RNLS: variants seen among roughly 807,000 people sequenced by gnomAD.
RNLS encodes the protein renalase.
Under a neutral mutation model 39.8 loss-of-function variants are expected in RNLS, and 39 were observed. The observed-to-expected ratio is 0.98, with a 90% confidence interval of 0.76 to 1.28. The LOEUF is 1.28. RNLS is among the 50% of genes most tolerant of loss of function. RNLS has a pLI of 0.00. For missense variants in RNLS, 410 were observed against 413.3 expected (o/e 0.99, Z 0.07); for synonymous variants, 147 against 150.7 (o/e 0.98, Z 0.18).
the RNLS span, among the ~76,000 whole-genome samples, chr10:88,255,771 C>T: frequency 6.6e-3 from 1,012 of 152,284 alleles, 8 homozygotes; most frequent in Middle Eastern, 0.017. Context: ...ACTAAGAATT[C>T]CTAGCCAATC....
intron 5 of RNLS, among the ~76,000 whole-genome samples, chr10:88,341,196 G>C (rs1484372320): frequency 6.6e-6 from 1 of 151,626 alleles, no homozygotes; most frequent in Non-Finnish European, 1.5e-5. Context: ...GGGTGTGGTG[G>C]TGCATGCCTG....
At chr10:88,557,998 C>CA (rs2134369700) in intron 4 of RNLS, among the ~76,000 whole-genome samples, 1 of 152,234 alleles carries the variant, frequency 6.6e-6, no homozygotes, top group East Asian at 1.9e-4. Flanking sequence ...AGCACACAGT[C>CA]AGTAAGGCAG....
intron 4 of RNLS, among the ~76,000 whole-genome samples, chr10:88,513,130 G>T (rs569647192): frequency 6.6e-6 from 1 of 152,080 alleles, no homozygotes; most frequent in Non-Finnish European, 1.5e-5. Context: ...TCCACAAGAA[G>T]TTCTCCTACC....
chr10:88,367,665 G>T (rs1170515291), intron 4 of RNLS, among the ~76,000 whole-genome samples: 1 of 152,148 alleles, frequency 6.6e-6, no homozygotes, highest in Non-Finnish European at 1.5e-5. Context: ...TGAAAGCTGA[G>T]TTGCTCCACA....
chr10:88,358,953 T>C (rs1014042226), intron 5 of RNLS, among the ~76,000 whole-genome samples: 12 of 152,214 alleles, frequency 7.9e-5, no homozygotes, highest in Admixed American at 1.3e-4. Flanking sequence ...CATTGTAGTA[T>C]TAATTATTGA....
At chr10:88,372,266 G>A (rs1178549659) in intron 4 of RNLS, among the ~76,000 whole-genome samples, 1 of 152,104 alleles carries the variant, frequency 6.6e-6, no homozygotes. Context: ...CAATCAGGGA[G>A]CGTTTTCTAA....
intron 4 of RNLS, among the ~76,000 whole-genome samples, chr10:88,473,234 TG>T (rs769677086): frequency 3.9e-5 from 6 of 152,226 alleles, no homozygotes; most frequent in Non-Finnish European, 7.3e-5. Flanking sequence ...TGGTGTTGAC[TG>T]AAACACCATT....
At chr10:88,524,306 A>G (rs1846946933) in intron 4 of RNLS, among the ~76,000 whole-genome samples, 1 of 152,054 alleles carries the variant, frequency 6.6e-6, no homozygotes, top group Admixed American at 6.6e-5. Context: ...AAAGGTTTTC[A>G]TTTATTTGGA....
intron 4 of RNLS, among the ~76,000 whole-genome samples, chr10:88,569,205 G>C (rs1392615864): frequency 6.6e-6 from 1 of 152,124 alleles, no homozygotes; most frequent in African/African-American, 2.4e-5. Flanking sequence ...GTTAAGGAAA[G>C]CAAAACCCAG....
Position 88,304,948 on chromosome 10 carries a change from G to T in RNLS, c.876+9518C>A, listed in dbSNP as rs570579400. Among the ~76,000 whole-genome samples, 43 of 152,116 alleles carry T rather than the reference G, an allele frequency of 2.8e-4. 1 individual carries two copies. In the South Asian group the frequency reaches 7.5e-3, roughly 26 times the overall value. ...ATGTTAAAGGCAGCAAGAGAGGAAG[G>T]TCAGGTCATCTACAAAGGGAAATCT... On this transcript the variant is annotated intron_variant, in intron 6 of 6. Coordinates refer to ENST00000331772, the MANE Select transcript of RNLS (RefSeq NM_001031709.3).
chr10:88,459,103 C>CT lies in RNLS; in HGVS notation c.527-96379dup, dbSNP rs34868471. ...GGAGCTTTCTAGCTTTTTCTTTTTTCTTTTTTTTTTTTTTGATGGTAAAGA... is the reference window on the plus strand; with the variant it reads ...GGAGCTTTCTAGCTTTTTCTTTTTTCTTTTTTTTTTTTTTTGATGGTAAAGA... On this transcript the variant is annotated intron_variant, in intron 4 of 6. Coordinates refer to ENST00000331772, the MANE Select transcript of RNLS (RefSeq NM_001031709.3). 2.0e-3 allele frequency among the ~76,000 whole-genome samples: 288 copies of CT among 145,284 alleles called. 2 individuals carry two copies. Among genetic ancestry groups the CT allele is most frequent in the South Asian group, 0.012 (53 of 4,596 alleles).
At chr10:88,515,820 T>C (rs1405170866) in intron 4 of RNLS, among the ~76,000 whole-genome samples, 5 of 151,992 alleles carry the variant, frequency 3.3e-5, no homozygotes, top group East Asian at 3.9e-4. Context: ...ATGGGCTGAA[T>C]TGTGTCTCCC....
At chr10:88,340,555 T>C (rs1030605019) in intron 5 of RNLS, among the ~76,000 whole-genome samples, 3 of 152,138 alleles carry the variant, frequency 2.0e-5, no homozygotes, top group Admixed American at 6.5e-5. Flanking sequence ...CCAACTAGGA[T>C]TACCAGTCAG....
intron 4 of RNLS, among the ~76,000 whole-genome samples, chr10:88,500,070 G>A (rs1188388462): frequency 6.6e-6 from 1 of 152,132 alleles, no homozygotes; most frequent in East Asian, 1.9e-4. Context: ...TGAGAGCAAA[G>A]CTCTGCCTCT....
chr10:88,266,246 C>T, the RNLS span, among the ~76,000 whole-genome samples: 2 of 152,188 alleles, frequency 1.3e-5, no homozygotes, highest in East Asian at 1.9e-4. Context: ...TCTCCACAGG[C>T]TCCCCTGAGA....
chr10:88,368,032 C>T (rs1850260598), intron 4 of RNLS, among the ~76,000 whole-genome samples: 1 of 151,472 alleles, frequency 6.6e-6, no homozygotes, highest in Non-Finnish European at 1.5e-5. Flanking sequence ...TTATAGTTAA[C>T]ACTTCTGTGT....
rs778073918 is a variant in RNLS, at chr10:88,362,535, A to C, written c.700+17T>G. On this transcript the variant is annotated intron_variant, in intron 5 of 6. Transcript: ENST00000331772. ...ACCATTGTTGCTGTATTTAAGGGAA[A>C]TAATAGGGGTACTGACCTATATTGC... 6.8e-6 allele frequency: 11 copies of C among 1,609,314 alleles called. No homozygotes were observed. The Middle Eastern group carries it at 5.0e-4, about 73-fold the overall frequency.
chr10:88,196,043 T>G, the RNLS span, among the ~76,000 whole-genome samples: 3 of 152,174 alleles, frequency 2.0e-5, no homozygotes, highest in African/African-American at 7.2e-5. Flanking sequence ...GAGGTGTAGA[T>G]AAAATGGGGA....
the RNLS span, among the ~76,000 whole-genome samples, chr10:88,235,259 C>T: frequency 2.0e-5 from 2 of 99,778 alleles, no homozygotes; most frequent in African/African-American, 7.3e-5. Flanking sequence ...TAGAGCGAGA[C>T]TCTATCTCAA....
Sources: allele counts gnomAD v4.1 joint callset (sites outside exome capture counted in the v4.1 genomes callset), GRCh38; gene constraint gnomAD v4.1.1; transcripts MANE v1.5; gene names NCBI Gene and HGNC (gene_info 2026-07-23, HGNC 2026-07-21).